The following TATDN3 variants were observed in gnomAD, a reference collection of about 807,000 sequenced individuals.
The protein encoded by TATDN3 is deoxyribonuclease TATDN3.
A neutral mutation model predicts 40.1 loss-of-function variants in TATDN3; 29 were observed. That is an observed-to-expected ratio of 0.72 (90% CI 0.54 to 0.99). The LOEUF (loss-of-function observed/expected upper bound fraction) is 0.99, where lower values mean the gene tolerates loss of function less well. Ranked by LOEUF, TATDN3 falls within the 50% of genes least tolerant of loss-of-function variation. The pLI, the probability that TATDN3 is intolerant of heterozygous loss-of-function variation, is 0.00. For missense variants in TATDN3, 309 were observed against 321.9 expected (o/e 0.96, Z 0.31); for synonymous variants, 105 against 117.0 (o/e 0.90, Z 0.66).
intron 7 of TATDN3, among the ~76,000 whole-genome samples, chr1:212,806,921 C>CAT (rs1214891800): frequency 1.7e-4 from 21 of 123,582 alleles, no homozygotes; most frequent in African/African-American, 5.4e-4. Context: ...CACATATATA[C>CAT]ATATATATAT....
chr1:212,806,795 C>CACACATATATACACATATAT (rs1439734586), intron 7 of TATDN3, among the ~76,000 whole-genome samples: 1 of 96,982 alleles, frequency 1.0e-5, no homozygotes, highest in African/African-American at 3.7e-5. Flanking sequence ...CACACACACA[C>CACACATATATACACATATAT]ACACATATAT....
intron 4 of TATDN3, among the ~76,000 whole-genome samples, chr1:212,800,087 C>G (rs1318743432): frequency 6.6e-6 from 1 of 152,162 alleles, no homozygotes; most frequent in Non-Finnish European, 1.5e-5. Context: ...AAGTATTCAT[C>G]AAATTAACTT....
Position 212,793,863 on chromosome 1 carries a change from G to C in TATDN3, c.67-1232G>C, listed in dbSNP as rs757031359. ...GGTGGGGAGGTCAGCAGAAGGAATA[G>C]GTTTGTGGGGAGAAAATAAAGATTT... On this transcript the variant is annotated intron_variant, in intron 1 of 9. Transcript: ENST00000366974. 3.2e-4 allele frequency among the ~76,000 whole-genome samples: 49 copies of C among 152,132 alleles called. 1 individual carries two copies. The highest frequency in any genetic ancestry group is 3.2e-3 in the Middle Eastern group (1 of 316).
chr1:212,808,596 A>G (rs979924136), intron 8 of TATDN3, among the ~76,000 whole-genome samples: 4 of 152,212 alleles, frequency 2.6e-5, no homozygotes, highest in Admixed American at 2.6e-4. Flanking sequence ...GAATATATAA[A>G]GCACCATTAC....
chr1:212,804,767 G>A lies in TATDN3; in HGVS notation c.487+116G>A, dbSNP rs924328989. 17 of 835,852 alleles carry A rather than the reference G, an allele frequency of 2.0e-5. No homozygotes were observed. In the African/African-American group the frequency reaches 2.1e-4, roughly 10 times the overall value. 51.8% of individuals were successfully genotyped at this position (835,852 alleles called of 1,614,324 possible). On this transcript the variant is annotated intron_variant, in intron 7 of 9. Coordinates refer to ENST00000366974, the MANE Select transcript of TATDN3 (RefSeq NM_001042552.3). ...TTTCTTGAAGGGCAGGGGCAAGAAG[G>A]GGGGCAGAAATCATCTAAGATGATG... is the stretch of plus-strand genomic sequence containing the variant.
chr1:212,797,592 AAATGATAG>A (rs1209867527), intron 4 of TATDN3: 1 of 155,182 alleles, frequency 6.4e-6, no homozygotes, highest in Non-Finnish European at 1.4e-5. Context: ...GAAAACACAG[AAATGATAG>A]TAATTGTGAT....
intron 7 of TATDN3, among the ~76,000 whole-genome samples, chr1:212,806,831 T>C (rs1247406336): frequency 5.6e-5 from 3 of 53,650 alleles, no homozygotes; most frequent in Admixed American, 1.6e-4. Flanking sequence ...TATATACATA[T>C]ATATACATAT....
chr1:212,810,966 A>T (rs1662835273), intron 8 of TATDN3, among the ~76,000 whole-genome samples: 1 of 152,094 alleles, frequency 6.6e-6, no homozygotes, highest in Non-Finnish European at 1.5e-5. Flanking sequence ...TTATGAGAAC[A>T]TCCAGTTAGC....
chr1:212,803,592 A>G (rs1662291591), intron 5 of TATDN3, among the ~76,000 whole-genome samples: 1 of 152,148 alleles, frequency 6.6e-6, no homozygotes, highest in African/African-American at 2.4e-5. Context: ...GCATGCCAAA[A>G]TAGTCCCAGG....
At chr1:212,798,536 C>CAAAAAAAAACA (rs1661960167) in intron 4 of TATDN3, among the ~76,000 whole-genome samples, 3 of 91,320 alleles carry the variant, frequency 3.3e-5, no homozygotes, top group East Asian at 3.3e-4. Context: ...CTCAAAAACT[C>CAAAAAAAAACA]AAAAAAAAAA....
At chr1:212,794,590 CAAAAAAAA>C in intron 1 of TATDN3, 1 of 338,030 alleles carries the variant, frequency 3.0e-6, no homozygotes, top group Non-Finnish European at 5.9e-6. Context: ...AACTTCATCT[CAAAAAAAA>C]GAAAAAAAAT....
At chr1:212,800,718 A>G (rs1387643020) in intron 4 of TATDN3, among the ~76,000 whole-genome samples, 1 of 151,726 alleles carries the variant, frequency 6.6e-6, no homozygotes, top group Non-Finnish European at 1.5e-5. Flanking sequence ...TTCTTTCAGC[A>G]GCATGGTGGA....
At position 212,809,611 on chromosome 1, in the gene TATDN3, G is replaced by C. The variant is rs372741041; in HGVS notation, c.600+1763G>C. On this transcript the variant is annotated intron_variant, in intron 8 of 9. Coordinates refer to ENST00000366974, the MANE Select transcript of TATDN3 (RefSeq NM_001042552.3). ...AGGCAGGAGAATGGCGTGAACCCGG[G>C]GGGGCAGAGCCTGCAGTGAGCCGAG... 2.6e-4 allele frequency among the ~76,000 whole-genome samples: 39 copies of C among 152,218 alleles called. 1 individual carries two copies. The highest frequency in any genetic ancestry group is 2.0e-3 in the Admixed American group (30 of 15,288).
chr1:212,798,393 C>T (rs1661936233), intron 4 of TATDN3, among the ~76,000 whole-genome samples: 1 of 151,504 alleles, frequency 6.6e-6, no homozygotes, highest in Non-Finnish European at 1.5e-5. Context: ...GCTAGCTCTA[C>T]TTATTTCAAA....
intron 4 of TATDN3, chr1:212,797,403 ATTAGT>A (rs2102436668): frequency 1.8e-6 from 1 of 543,408 alleles, no homozygotes; most frequent in Non-Finnish European, 3.3e-6. Context: ...CAAAGGAATC[ATTAGT>A]TAAGTTGTAG....
intron 9 of TATDN3, among the ~76,000 whole-genome samples, chr1:212,813,524 C>G (rs1196820929): frequency 6.6e-6 from 1 of 150,728 alleles, no homozygotes; most frequent in African/African-American, 2.4e-5. Flanking sequence ...ATTTTACTAA[C>G]TGATGTTCAA....
At chr1:212,809,639 C>T (rs1170730205) in intron 8 of TATDN3, among the ~76,000 whole-genome samples, 1 of 151,180 alleles carries the variant, frequency 6.6e-6, no homozygotes, top group African/African-American at 2.4e-5. Flanking sequence ...GAGCCGAGAT[C>T]GCGCCACTGC....
At chr1:212,794,586 A>C (rs1454398398) in intron 1 of TATDN3, 4 of 342,684 alleles carry the variant, frequency 1.2e-5, no homozygotes, top group Non-Finnish European at 2.3e-5. Context: ...GTGAAACTTC[A>C]TCTCAAAAAA....
At chr1:212,796,424 A>G (rs1661762328) in intron 2 of TATDN3, 93 bp from the exon 3 acceptor site, 4 of 963,326 alleles carry the variant, frequency 4.2e-6, no homozygotes, top group Non-Finnish European at 5.8e-6. Context: ...TGGCTGAACA[A>G]GGATAACTAA....
Sources: gnomAD v4.1 joint callset for allele counts (sites outside exome capture counted in the v4.1 genomes callset) on GRCh38, gnomAD v4.1.1 for gene constraint, MANE v1.5 for transcripts, NCBI Gene and HGNC (gene_info 2026-07-23, HGNC 2026-07-21) for gene names.